TBXAS1: variants seen among roughly 807,000 people sequenced by gnomAD.
TBXAS1 encodes thromboxane-A synthase.
In TBXAS1, 48 loss-of-function variants were observed where a neutral mutation model predicts 60.7. The observed-to-expected ratio is 0.79, with a 90% CI of 0.63 to 1.01. The LOEUF is 1.01. Ranked by LOEUF, TBXAS1 falls within the 50% of genes least tolerant of loss-of-function variation. The pLI is 0.00. For synonymous variants in TBXAS1, 287 were observed against 269.7 expected, an observed-to-expected ratio of 1.06 and a Z score of -0.63; for missense variants, 685 against 686.3, an observed-to-expected ratio of 1.00 and a Z score of 0.02.
intron 11 of TBXAS1, 50 bp downstream of exon 11, chr7:140,015,910 A>C: frequency 6.2e-7 from 1 of 1,611,234 alleles, no homozygotes; most frequent in Non-Finnish European, 8.5e-7. Flanking sequence ...AGTGTGTGGG[A>C]TAGAAATTTA....
At chr7:139,885,093 C>T (rs1175075376) in intron 3 of TBXAS1, among the ~76,000 whole-genome samples, 8 of 152,172 alleles carry the variant, frequency 5.3e-5, no homozygotes, top group South Asian at 2.1e-4. Flanking sequence ...AGGACTGCAG[C>T]GGCTGGAGCG....
chr7:139,910,793 G>T (rs923763416), intron 3 of TBXAS1, among the ~76,000 whole-genome samples: 2 of 152,136 alleles, frequency 1.3e-5, no homozygotes, highest in East Asian at 1.9e-4. Context: ...TGGTATAAAG[G>T]TTATTGGTCT....
chr7:139,917,801 C>T (rs1806123973), intron 4 of TBXAS1, among the ~76,000 whole-genome samples: 1 of 152,138 alleles, frequency 6.6e-6, no homozygotes, highest in Non-Finnish European at 1.5e-5. Flanking sequence ...TTGTGTCTTA[C>T]TAGACTCTTG....
chr7:139,853,505 C>G (rs1378470273), intron 1 of TBXAS1, among the ~76,000 whole-genome samples: 1 of 152,176 alleles, frequency 6.6e-6, no homozygotes, highest in Non-Finnish European at 1.5e-5. Flanking sequence ...ATAATAATAA[C>G]AGCATGTTCC....
chr7:139,949,199 T>C (rs148709434), intron 5 of TBXAS1, among the ~76,000 whole-genome samples: 4 of 152,348 alleles, frequency 2.6e-5, no homozygotes, highest in Admixed American at 6.5e-5. Flanking sequence ...CCCCTCTTTA[T>C]ACACAGGGCA....
chr7:139,793,852 T>A (rs1367383767), intron 4 of TBXAS1, among the ~76,000 whole-genome samples: 1 of 152,220 alleles, frequency 6.6e-6, no homozygotes, highest in Non-Finnish European at 1.5e-5. Context: ...TCTGACTTAG[T>A]AGAAAGTAAT....
intron 1 of TBXAS1, among the ~76,000 whole-genome samples, chr7:139,853,932 T>C (rs1800399796): frequency 1.3e-5 from 2 of 152,094 alleles, no homozygotes; most frequent in South Asian, 4.1e-4. Context: ...AACATCTCCA[T>C]GTGCCCAGGA....
chr7:139,984,746 AG>A (rs1812269870), intron 9 of TBXAS1, among the ~76,000 whole-genome samples: 1 of 136,498 alleles, frequency 7.3e-6, no homozygotes, highest in Non-Finnish European at 1.6e-5. Context: ...AAGAAGAAAA[AG>A]AAAAGAAAGA....
intron 9 of TBXAS1, among the ~76,000 whole-genome samples, chr7:140,005,038 G>T (rs1260946452): frequency 1.3e-5 from 2 of 152,236 alleles, no homozygotes; most frequent in South Asian, 4.1e-4. Context: ...CAGAAAGGGG[G>T]AAGCCAGGTG....
At chr7:139,867,367 A>G (rs1261209269) in intron 1 of TBXAS1, among the ~76,000 whole-genome samples, 2 of 152,218 alleles carry the variant, frequency 1.3e-5, no homozygotes, top group Non-Finnish European at 2.9e-5. Context: ...CCACAGGAGA[A>G]GCCAATTCCT....
chr7:139,845,635 C>T lies in TBXAS1; in HGVS notation c.89+16156C>T, dbSNP rs148738318. On this transcript the variant is annotated intron_variant, in intron 1 of 12. Transcript: ENST00000448866. Reference sequence around the variant, plus strand: ...ACACACTTCTGTTGAGTAATAGGCACGCAGTTACTTGTTGAACCAAACTGC... The same window carrying T: ...ACACACTTCTGTTGAGTAATAGGCATGCAGTTACTTGTTGAACCAAACTGC... Among the ~76,000 whole-genome samples, 705 of 152,168 alleles carry T rather than the reference C, an allele frequency of 4.6e-3. 3 individuals carry two copies. The highest frequency in any genetic ancestry group is 0.012 in the African/African-American group (483 of 41,512).
chr7:139,965,720 G>T (rs181463722), intron 9 of TBXAS1, among the ~76,000 whole-genome samples: 35 of 151,968 alleles, frequency 2.3e-4, no homozygotes, highest in African/African-American at 7.7e-4. Flanking sequence ...AGCTGGTTGT[G>T]GGGGGGAGTC....
chr7:139,822,522 C>G (rs1186597558), intron 4 of TBXAS1, among the ~76,000 whole-genome samples: 1 of 152,186 alleles, frequency 6.6e-6, no homozygotes, highest in African/African-American at 2.4e-5. Flanking sequence ...CTGGCCATCT[C>G]CCGAGCATCT....
chr7:139,984,898 AGAAAGAAAG>A (rs1163028511), intron 9 of TBXAS1, among the ~76,000 whole-genome samples: 2 of 143,350 alleles, frequency 1.4e-5, no homozygotes, highest in Non-Finnish European at 3.0e-5. Flanking sequence ...AAAGCAGCAA[AGAAAGAAAG>A]GAAAGAAAGA....
chr7:139,928,019 T>A (rs183339190), intron 4 of TBXAS1, among the ~76,000 whole-genome samples: 8 of 152,322 alleles, frequency 5.3e-5, no homozygotes, highest in Admixed American at 2.6e-4. Flanking sequence ...CTTATTGACC[T>A]CTCTATGATG....
chr7:139,940,609 C>T (rs1031115168), intron 5 of TBXAS1, among the ~76,000 whole-genome samples: 3 of 152,252 alleles, frequency 2.0e-5, no homozygotes, highest in Admixed American at 2.0e-4. Context: ...CTCGAAGGAC[C>T]TGGCCCCTGA....
chr7:140,015,644 A>G (rs533957929), intron 10 of TBXAS1, 79 bp from the exon 11 acceptor site: 232 of 1,538,768 alleles, frequency 1.5e-4, no homozygotes, highest in Non-Finnish European at 2.0e-4. Context: ...TCACACTCAG[A>G]CTCTGCCTGC....
chr7:139,937,784 C>T (rs1436536460), intron 5 of TBXAS1, among the ~76,000 whole-genome samples: 6 of 152,022 alleles, frequency 3.9e-5, no homozygotes, highest in African/African-American at 9.7e-5. Flanking sequence ...AGCTCCGGAG[C>T]GCTCTTCACC....
intron 3 of TBXAS1, chr7:139,875,865 C>G (rs1290217591): frequency 5.1e-6 from 3 of 583,518 alleles, no homozygotes; most frequent in Admixed American, 2.9e-5. Context: ...TGAAAGAGTA[C>G]CACTTTCCAG....
Sources: gnomAD v4.1 joint callset for allele counts (sites outside exome capture counted in the v4.1 genomes callset) on GRCh38, gnomAD v4.1.1 for gene constraint, MANE v1.5 for transcripts, NCBI Gene and HGNC (gene_info 2026-07-23, HGNC 2026-07-21) for gene names.